Variants in GAGE12J observed in about 807,000 individuals in gnomAD.
GAGE12J encodes the protein G antigen 12J, also known as G antigen 11.
Under a neutral mutation model 8.5 loss-of-function variants are expected in GAGE12J, and 5 were observed. The observed-to-expected ratio is 0.59, with a 90% CI of 0.31 to 1.24. The LOEUF is 1.24. Among genes scored for constraint, GAGE12J ranks in the 50% most tolerant of loss-of-function variants. GAGE12J has a pLI of 0.06. For missense variants in GAGE12J, 26 were observed against 63.0 expected (o/e 0.41, Z 1.99); for synonymous variants, 10 against 19.2 (o/e 0.52, Z 1.25).
At position 49,323,275 on chromosome X, in the gene GAGE12J, C is replaced by T. The variant is rs781989610; in HGVS notation, c.82C>T (p.Arg28Trp). The change falls in exon 2 of 5, where the codon CGG (arginine) becomes TGG (tryptophan). Residue 28 changes from arginine (R) to tryptophan (W), a missense_variant and splice_region_variant. Coordinates refer to ENST00000442437, the MANE Select transcript of GAGE12J (RefSeq NM_001098406.4). Reference sequence around the variant, plus strand: ...GCCTCCTGAAATGATTGGGCCTATGCGGGTGAGTGCTTGAACGTTAATTCG... The same window carrying T: ...GCCTCCTGAAATGATTGGGCCTATGTGGGTGAGTGCTTGAACGTTAATTCG... Reference protein sequence around the residue: ...VQPPEMIGPMRPEQFSDEVEP... With the variant: ...VQPPEMIGPMWPEQFSDEVEP... 7.9e-6 allele frequency: 9 copies of T among 1,144,268 alleles called. 1 individual carries two copies. The highest frequency in any genetic ancestry group is 1.8e-5 in the South Asian group (1 of 55,310). The allele number at this position is 1,144,268 out of a possible 1,213,427, so 94.3% of individuals were successfully genotyped here.
At chrX:49,323,321 T>G (rs782271866) in intron 2 of GAGE12J, 44 bp downstream of exon 2, 1 of 1,079,901 alleles carries the variant, frequency 9.3e-7, no homozygotes, top group Non-Finnish European at 1.3e-6. Context: ...TTAGTAGAAA[T>G]TAATTTTTGT....
rs1422051171 is a variant in GAGE12J at position 49,323,266 on chromosome X, G to A, written c.73G>A (p.Gly25Arg). 16 of 1,143,927 alleles carry A rather than the reference G, an allele frequency of 1.4e-5. 1 individual carries two copies. The African/African-American group carries it at 2.5e-4, about 18-fold the overall frequency. 94.3% of individuals were successfully genotyped at this position (1,143,927 alleles called of 1,213,427 possible). A position where few individuals can be genotyped will look rare whatever the true frequency, so the allele number is the denominator to read the frequency against. ...CTATGTACAGCCTCCTGAAATGATTGGGCCTATGCGGGTGAGTGCTTGAAC... is the reference window on the plus strand; with the variant it reads ...CTATGTACAGCCTCCTGAAATGATTAGGCCTATGCGGGTGAGTGCTTGAAC... ...RPYVQPPEMI[G>R]PMRPEQFSDE... is the part of the protein sequence containing the mutation. The change falls in exon 2 of 5, where the codon GGG becomes AGG. Residue 25 changes from glycine (G) to arginine (R), a missense_variant. Gly to Arg is a moderately radical substitution (Grantham distance 125, BLOSUM62 -2). Coordinates refer to ENST00000442437, the MANE Select transcript of GAGE12J (RefSeq NM_001098406.4).
intron 2 of GAGE12J, 45 bp from the exon 3 acceptor site, chrX:49,323,698 T>G: frequency 9.5e-7 from 1 of 1,047,756 alleles, no homozygotes; most frequent in Non-Finnish European, 1.3e-6. Flanking sequence ...TTTGTATCAA[T>G]AACGAAACTT....
chrX:49,328,179 C>T (rs1254952914), intron 4 of GAGE12J, among the ~76,000 whole-genome samples: 2 of 75,195 alleles, frequency 2.7e-5, no homozygotes, highest in African/African-American at 3.5e-5. Context: ...CATATGTATA[C>T]ATGTGCCATG....
chrX:49,325,642 G>A (rs1332722227), intron 3 of GAGE12J, among the ~76,000 whole-genome samples: 3 of 79,677 alleles, frequency 3.8e-5, no homozygotes, highest in African/African-American at 1.0e-4. Flanking sequence ...GAATTGTCTC[G>A]ATAAAGTTTC....
intron 4 of GAGE12J, among the ~76,000 whole-genome samples, chrX:49,327,220 TAGTAAC>T (rs1171077238): frequency 1.3e-5 from 1 of 79,303 alleles, no homozygotes; most frequent in Non-Finnish European, 2.9e-5. Flanking sequence ...ACTGCGTCTT[TAGTAAC>T]AGACTTCTTA....
intron 4 of GAGE12J, among the ~76,000 whole-genome samples, chrX:49,327,987 T>A (rs2066450534): frequency 2.5e-5 from 1 of 40,399 alleles, no homozygotes; most frequent in African/African-American, 4.5e-5. Context: ...CAAGCCACCG[T>A]GCCTGACTAC....
At chrX:49,329,062 CAG>C (rs1282482853) in intron 4 of GAGE12J, among the ~76,000 whole-genome samples, 4 of 8 alleles carry the variant, frequency 0.5, no homozygotes, top group African/African-American at 0.5. Flanking sequence ...ACTTGATGTT[CAG>C]GGGGGGAAAT....
chrX:49,327,975 C>A (rs2066450452), intron 4 of GAGE12J, among the ~76,000 whole-genome samples: 1 of 33,284 alleles, frequency 3.0e-5, no homozygotes, highest in African/African-American at 5.0e-5. Flanking sequence ...GAACTACATG[C>A]ACAAGCCACC....
Position 49,323,233 on chromosome X carries a change from C to T in GAGE12J, c.40C>T (p.Pro14Ser). 8.7e-7 allele frequency: 1 copy of T among 1,146,456 alleles called. No homozygotes were observed. Among genetic ancestry groups the T allele is most frequent in the Non-Finnish European group, 1.2e-6 (1 of 842,954 alleles). 94.5% of individuals were successfully genotyped at this position (1,146,456 alleles called of 1,213,427 possible). A position where few individuals can be genotyped will look rare whatever the true frequency, so the allele number is the denominator to read the frequency against. The change falls in exon 2 of 5, where the codon CCA becomes TCA. Residue 14 changes from proline (P) to serine (S), a missense_variant. Physicochemically the swap from Pro to Ser is moderately conservative, Grantham distance 74. This residue lies in a region of GAGE12J where 26 missense variants were observed against 21.9 expected (regional missense o/e 1.19). Transcript: ENST00000442437. ...AAGATCGACCTATTATTGGCCTAGA[C>T]CAAGACCCTATGTACAGCCTCCTGA... ...RGRSTYYWPR[P>S]RPYVQPPEMI...
At chrX:49,322,401 G>C (rs1411166556) in intron 1 of GAGE12J, among the ~76,000 whole-genome samples, 1 of 109,091 alleles carries the variant, frequency 9.2e-6, no homozygotes, top group Non-Finnish European at 2.0e-5. Flanking sequence ...GTGCTGTTGG[G>C]GGGATGGAAG....
At chrX:49,322,662 T>TTAG (rs2066424972) in intron 1 of GAGE12J, among the ~76,000 whole-genome samples, 1 of 87,428 alleles carries the variant, frequency 1.1e-5, no homozygotes, top group Non-Finnish European at 2.5e-5. Context: ...AAACTTGTTG[T>TTAG]GAGGGGGGGT....
At chrX:49,323,338 G>T in intron 2 of GAGE12J, 61 bp downstream of exon 2, 7 of 958,269 alleles carry the variant, frequency 7.3e-6, no homozygotes, top group Middle Eastern at 3.8e-4. Context: ...TTGTGATAGC[G>T]TTGTTGCATT....
intron 1 of GAGE12J, among the ~76,000 whole-genome samples, chrX:49,322,541 C>T (rs1387067923): frequency 1.0e-5 from 1 of 97,974 alleles, no homozygotes; most frequent in Non-Finnish European, 2.2e-5. Flanking sequence ...GCGCCCCCCC[C>T]AGCGGTGTGG....
intron 3 of GAGE12J, 38 bp downstream of exon 3, chrX:49,323,901 CGT>C (rs1250677756): frequency 2.8e-5 from 31 of 1,113,952 alleles, no homozygotes; most frequent in African/African-American, 3.6e-5. Context: ...CTGGTGTGTG[CGT>C]GTGTGTGTGT....
rs782428719 is a variant in GAGE12J at position 49,322,474 on chromosome X, G to C, written c.-9+330G>C. Among the ~76,000 whole-genome samples the C allele has an allele frequency of 8.4e-4, 90 of 106,699 alleles. 1 individual carries two copies. The highest frequency in any genetic ancestry group is 2.8e-3 in the African/African-American group (84 of 30,216). 92.7% of individuals were successfully genotyped at this position (106,699 alleles called of 115,157 possible). A position where few individuals can be genotyped will look rare whatever the true frequency, so the allele number is the denominator to read the frequency against. On this transcript the variant is annotated intron_variant, in intron 1 of 4. Transcript: ENST00000442437. ...ATTCCCTGAATGGGGCCTCCGGCGG[G>C]GGCGAGGCGGGCGGTGAAGAAGGGG...
intron 3 of GAGE12J, among the ~76,000 whole-genome samples, chrX:49,324,678 C>A (rs2066437684): frequency 1.6e-5 from 1 of 61,421 alleles, no homozygotes; most frequent in Non-Finnish European, 4.0e-5. Flanking sequence ...CCCTTATTCT[C>A]AGTGCGGGAC....
intron 4 of GAGE12J, among the ~76,000 whole-genome samples, chrX:49,328,113 ATTTATTG>A (rs2066451155): frequency 2.7e-5 from 2 of 74,158 alleles, no homozygotes. Flanking sequence ...TTATTTATTT[ATTTATTG>A]TTATACTTTA....
chrX:49,322,494 A>C (rs1342861064), intron 1 of GAGE12J, among the ~76,000 whole-genome samples: 1 of 104,588 alleles, frequency 9.6e-6, no homozygotes, highest in Non-Finnish European at 2.0e-5. Flanking sequence ...GGCGGTGAAG[A>C]AGGGGCCTGG....
Sources: allele counts gnomAD v4.1 joint callset (sites outside exome capture counted in the v4.1 genomes callset), GRCh38; gene constraint gnomAD v4.1.1; regional missense constraint gnomAD v4.1.1; transcripts MANE v1.5; gene names NCBI Gene and HGNC (gene_info 2026-07-23, HGNC 2026-07-21).